The following DCTN5 variants were observed in gnomAD, a reference collection of about 807,000 sequenced individuals.
The protein encoded by DCTN5 is dynactin subunit 5.
A neutral mutation model predicts 23.5 loss-of-function variants in DCTN5; 14 were observed. The ratio of observed to expected loss-of-function variants is 0.60; its 90% CI spans 0.39 to 0.93. The LOEUF is 0.93. Ranked by LOEUF, DCTN5 falls within the 40% of genes least tolerant of loss-of-function variation. DCTN5 has a pLI of 0.00. For synonymous variants in DCTN5, 67 were observed against 79.6 expected, an observed-to-expected ratio of 0.84 and a Z score of 0.84; for missense variants, 156 against 225.9, an observed-to-expected ratio of 0.69 and a Z score of 1.98.
chr16:23,669,706 G>A lies in DCTN5; in HGVS notation c.*2562G>A, dbSNP rs1967973089. On this transcript the variant is annotated 3_prime_UTR_variant, in exon 6 of 6. Transcript: ENST00000300087. Reference sequence around the variant, plus strand: ...CTTCATTTTCCTCCGTCTCCCTGCTGTCCCTTACCCTCTGCCCAATCTCTC... The same window carrying A: ...CTTCATTTTCCTCCGTCTCCCTGCTATCCCTTACCCTCTGCCCAATCTCTC... 1 of 152,698 alleles carries A rather than the reference G, an allele frequency of 6.5e-6. No homozygotes were observed. The highest frequency in any genetic ancestry group is 6.5e-5 in the Admixed American group (1 of 15,278). 9.5% of individuals were successfully genotyped at this position (152,698 alleles called of 1,614,324 possible).
Position 23,650,706 on chromosome 16 carries a change from T to G in DCTN5, c.117+7683T>G, listed in dbSNP as rs953123028. 8 of 1,498,042 alleles carry G rather than the reference T, an allele frequency of 5.3e-6. No individual in the cohort carries two copies. The Admixed American group carries it at 6.0e-5, about 11-fold the overall frequency. The allele number at this position is 1,498,042 out of a possible 1,614,324, so 92.8% of individuals were successfully genotyped here. On this transcript the variant is annotated intron_variant, in intron 2 of 5. Coordinates refer to ENST00000300087, the MANE Select transcript of DCTN5 (RefSeq NM_032486.4). ...GGTGGAAAGTTACTTTGTTTCTAGT[T>G]TTTTGCTGTTATGAACAATCCATTT...
rs1968021562 is a variant in DCTN5, at chr16:23,672,364, A to G, written c.*5220A>G. On this transcript the variant is annotated 3_prime_UTR_variant, in exon 6 of 6. Transcript: ENST00000300087. ...AAATGGGCACTATAATGGGCACTTT[A>G]TCCCATTTTATAAACATGGAAATTG... 6.6e-6 allele frequency: 1 copy of G among 152,202 alleles called. No homozygotes were observed. The highest frequency in any genetic ancestry group is 6.5e-5 in the Admixed American group (1 of 15,284). 9.4% of individuals were successfully genotyped at this position (152,202 alleles called of 1,614,324 possible).
Position 23,668,380 on chromosome 16 carries a change from TTTGTTATTTTTAAAATGTTTATAC to T in DCTN5, c.*1237_*1260del, listed in dbSNP as rs1967944637. The T allele has an allele frequency of 6.6e-6, 1 of 152,170 alleles. No homozygotes were observed. The highest frequency in any genetic ancestry group is 2.4e-5 in the African/African-American group (1 of 41,428). 9.4% of individuals were successfully genotyped at this position (152,170 alleles called of 1,614,324 possible). On this transcript the variant is annotated 3_prime_UTR_variant, in exon 6 of 6. Coordinates refer to ENST00000300087, the MANE Select transcript of DCTN5 (RefSeq NM_032486.4). ...AGTTCCATCTAGAACTCCTTTCTAGTTTGTTATTTTTAAAATGTTTATACATAAAACCACCAAAATACATAGCTT... is the reference window on the plus strand; with the variant it reads ...AGTTCCATCTAGAACTCCTTTCTAGTATAAAACCACCAAAATACATAGCTT...
intron 2 of DCTN5, among the ~76,000 whole-genome samples, chr16:23,645,783 C>G (rs114195166): frequency 1.3e-5 from 2 of 152,236 alleles, no homozygotes; most frequent in Admixed American, 6.5e-5. Context: ...TGCCACATTT[C>G]GTATAGGCAC....
At chr16:23,647,779 A>G (rs1967502036) in intron 2 of DCTN5, among the ~76,000 whole-genome samples, 1 of 152,120 alleles carries the variant, frequency 6.6e-6, no homozygotes, top group Non-Finnish European at 1.5e-5. Context: ...AAGTGCTTGG[A>G]TTACAGGCAT....
chr16:23,643,741 G>A (rs1967361146), intron 2 of DCTN5, among the ~76,000 whole-genome samples: 2 of 151,984 alleles, frequency 1.3e-5, no homozygotes, highest in Admixed American at 1.3e-4. Flanking sequence ...CTCTTAAAAC[G>A]AATGTGACAA....
rs548040732 is a variant in DCTN5, at chr16:23,670,165, A to G, written c.*3021A>G. ...GCCTCAGACCTTACCCCAGCTCAAG[A>G]TAAGTCTCAGATTGCAGGATACCTG... On this transcript the variant is annotated 3_prime_UTR_variant, in exon 6 of 6. Transcript: ENST00000300087. The G allele has an allele frequency of 3.3e-5, 5 of 152,360 alleles. No homozygotes were observed. The South Asian group carries it at 1.0e-3, about 32-fold the overall frequency. 9.4% of individuals were successfully genotyped at this position (152,360 alleles called of 1,614,324 possible). A position where few individuals can be genotyped will look rare whatever the true frequency, so the allele number is the denominator to read the frequency against.
At chr16:23,651,083 C>T (rs1314683371) in intron 2 of DCTN5, 3 of 1,358,168 alleles carry the variant, frequency 2.2e-6, no homozygotes, top group Non-Finnish European at 2.8e-6. Context: ...CGTGTCCTTC[C>T]TGTAGGAGAT....
At chr16:23,651,182 T>C in intron 2 of DCTN5, 5 of 1,084,192 alleles carry the variant, frequency 4.6e-6, no homozygotes, top group Non-Finnish European at 5.6e-6. Flanking sequence ...CAACCTCCAC[T>C]TTGCTATCTC....
In DCTN5 at chr16:23,661,296, T is replaced by C. The variant is rs746209355; in HGVS notation, c.348+15T>C. 3 of 1,591,246 alleles carry C rather than the reference T, an allele frequency of 1.9e-6. No homozygotes were observed. In the Admixed American group the frequency reaches 5.1e-5, roughly 27 times the overall value. On this transcript the variant is annotated intron_variant, in intron 4 of 5. Coordinates refer to ENST00000300087, the MANE Select transcript of DCTN5 (RefSeq NM_032486.4). ...ACTGTGTGATTGTGAGTATGATGAC[T>C]TGGCTGGCAAAGCAGCTTCACTTTC...
At chr16:23,655,699 C>T (rs1375261117) in intron 2 of DCTN5, among the ~76,000 whole-genome samples, 1 of 151,982 alleles carries the variant, frequency 6.6e-6, no homozygotes, top group African/African-American at 2.4e-5. Flanking sequence ...TGCACACCAC[C>T]ACATCTGGCT....
intron 3 of DCTN5, among the ~76,000 whole-genome samples, chr16:23,660,721 ATAG>A (rs1967794435): frequency 6.6e-6 from 1 of 152,216 alleles, no homozygotes. Flanking sequence ...AGTCTGGCAC[ATAG>A]TAGTCACTCA....
At chr16:23,644,274 C>T (rs1422843225) in intron 2 of DCTN5, among the ~76,000 whole-genome samples, 3 of 151,102 alleles carry the variant, frequency 2.0e-5, no homozygotes, top group Admixed American at 1.3e-4. Context: ...ATTACAGGCT[C>T]CCGCCATCAT....
At chr16:23,657,175 A>G (rs1967720594) in intron 2 of DCTN5, among the ~76,000 whole-genome samples, 1 of 152,076 alleles carries the variant, frequency 6.6e-6, no homozygotes, top group Non-Finnish European at 1.5e-5. Flanking sequence ...ACTGGGGCCA[A>G]GTGCAGTGTC....
Position 23,669,701 on chromosome 16 carries a change from C to G in DCTN5, c.*2557C>G, listed in dbSNP as rs1967973038. 6.5e-6 allele frequency: 1 copy of G among 152,798 alleles called. No homozygotes were observed. Among genetic ancestry groups the G allele is most frequent in the Admixed American group, 6.5e-5 (1 of 15,284 alleles). 9.5% of individuals were successfully genotyped at this position (152,798 alleles called of 1,614,324 possible). On this transcript the variant is annotated 3_prime_UTR_variant, in exon 6 of 6. Coordinates refer to ENST00000300087, the MANE Select transcript of DCTN5 (RefSeq NM_032486.4). ...GGTGTCTTCATTTTCCTCCGTCTCC[C>G]TGCTGTCCCTTACCCTCTGCCCAAT... is the stretch of plus-strand genomic sequence containing the variant.
chr16:23,676,200 A>AC lies in DCTN5; in HGVS notation c.*9056_*9057insC, dbSNP rs1025240308. ...GATGCCTCAGGTCAGGTTGAAAAAA[A>AC]AAAAAAAGGTTCAGACAGCAATTAA... On this transcript the variant is annotated 3_prime_UTR_variant, in exon 6 of 6. Coordinates refer to ENST00000300087, the MANE Select transcript of DCTN5 (RefSeq NM_032486.4). 2.6e-5 allele frequency: 4 copies of AC among 152,002 alleles called. No homozygotes were observed. The highest frequency in any genetic ancestry group is 7.3e-5 in the African/African-American group (3 of 41,328). The allele number at this position is 152,002 out of a possible 1,614,324, so 9.4% of individuals were successfully genotyped here.
chr16:23,657,565 C>T (rs1171404944), intron 2 of DCTN5: 63 of 356,594 alleles, frequency 1.8e-4, no homozygotes, highest in Non-Finnish European at 2.7e-4. Flanking sequence ...CTCAGCCTCC[C>T]GAGTAGCTGG....
chr16:23,644,781 T>G (rs1967388517), intron 2 of DCTN5, among the ~76,000 whole-genome samples: 1 of 149,608 alleles, frequency 6.7e-6, no homozygotes, highest in Admixed American at 6.7e-5. Context: ...AATTTGCCAT[T>G]TTAACAATTT....
At chr16:23,641,791 C>G (rs112547094) in intron 1 of DCTN5, among the ~76,000 whole-genome samples, 3,522 of 152,190 alleles carry the variant, frequency 0.023, 65 homozygotes, top group Middle Eastern at 0.095. Flanking sequence ...GTATTTATTC[C>G]TGATTTTCTC....
Sources: allele counts gnomAD v4.1 joint callset (sites outside exome capture counted in the v4.1 genomes callset), GRCh38; gene constraint gnomAD v4.1.1; transcripts MANE v1.5; gene names NCBI Gene and HGNC (gene_info 2026-07-23, HGNC 2026-07-21).